FAF1: variants seen among roughly 807,000 people sequenced by gnomAD.
FAF1 encodes the protein FAS-associated factor 1.
Under a neutral mutation model 92.5 loss-of-function variants are expected in FAF1, and 25 were observed. That is an observed-to-expected ratio of 0.27 (90% CI 0.20 to 0.38). FAF1 has a LOEUF of 0.38. Among genes scored for constraint, FAF1 ranks in the 10% least tolerant of loss-of-function variants. The pLI, the probability that FAF1 is intolerant of heterozygous loss-of-function variation, is 1.00. For synonymous variants in FAF1, 234 were observed against 273.2 expected (o/e 0.86, Z 1.42); for missense variants, 636 against 793.3 (o/e 0.80, Z 2.38).
intron 1 of FAF1, among the ~76,000 whole-genome samples, chr1:50,904,362 G>C (rs1193881160): frequency 6.6e-6 from 1 of 152,152 alleles, no homozygotes. Context: ...CTGGGGAATG[G>C]GGAAATGAGG....
chr1:50,683,879 C>T (rs558749256), intron 7 of FAF1, among the ~76,000 whole-genome samples: 59 of 151,642 alleles, frequency 3.9e-4, no homozygotes, highest in African/African-American at 1.4e-3. Context: ...TTGTGGTGAG[C>T]CAAGATCGCG....
chr1:50,746,950 C>T (rs573259300), intron 4 of FAF1, among the ~76,000 whole-genome samples: 3 of 152,232 alleles, frequency 2.0e-5, no homozygotes, highest in African/African-American at 7.2e-5. Context: ...CTGTTTGGGC[C>T]GCTGCTTCCA....
intron 13 of FAF1, among the ~76,000 whole-genome samples, chr1:50,552,782 T>C (rs763989334): frequency 2.6e-5 from 4 of 151,924 alleles, no homozygotes; most frequent in Admixed American, 6.6e-5. Flanking sequence ...GAGAGGGGAA[T>C]GATATATTTG....
At chr1:50,716,624 A>T (rs1658187043) in intron 6 of FAF1, among the ~76,000 whole-genome samples, 1 of 152,190 alleles carries the variant, frequency 6.6e-6, no homozygotes, top group South Asian at 2.1e-4. Context: ...AGGATTGTAA[A>T]TGCACCAATC....
chr1:50,903,710 C>T (rs1644813970), intron 1 of FAF1, among the ~76,000 whole-genome samples: 1 of 152,164 alleles, frequency 6.6e-6, no homozygotes, highest in South Asian at 2.1e-4. Context: ...TTGTAATATA[C>T]ATCTGGTGAC....
chr1:50,456,642 A>G (rs1170697881), intron 18 of FAF1, among the ~76,000 whole-genome samples: 1 of 152,226 alleles, frequency 6.6e-6, no homozygotes, highest in Non-Finnish European at 1.5e-5. Flanking sequence ...CTACACAAGT[A>G]TTTTCGGAGT....
chr1:50,629,139 A>G (rs1653639075), intron 8 of FAF1, among the ~76,000 whole-genome samples: 1 of 149,852 alleles, frequency 6.7e-6, no homozygotes, highest in South Asian at 2.1e-4. Flanking sequence ...AAAAAGATCA[A>G]TCTTATAGAT....
At chr1:50,609,248 T>C (rs1413276934) in intron 8 of FAF1, among the ~76,000 whole-genome samples, 1 of 152,246 alleles carries the variant, frequency 6.6e-6, no homozygotes, top group Non-Finnish European at 1.5e-5. Context: ...CTAATCCTTG[T>C]TATTCCCTCT....
At chr1:50,706,908 G>C (rs1657695532) in intron 6 of FAF1, among the ~76,000 whole-genome samples, 1 of 152,106 alleles carries the variant, frequency 6.6e-6, no homozygotes, top group South Asian at 2.1e-4. Flanking sequence ...ATAAAGATCA[G>C]AATTAGACAG....
intron 1 of FAF1, among the ~76,000 whole-genome samples, chr1:50,895,940 T>C (rs1644754521): frequency 6.6e-6 from 1 of 152,142 alleles, no homozygotes. Context: ...ACAGCTAGCA[T>C]CATACTGAAT....
intron 8 of FAF1, among the ~76,000 whole-genome samples, chr1:50,623,798 G>A: frequency 6.6e-6 from 1 of 151,616 alleles, no homozygotes; most frequent in Admixed American, 6.6e-5. Flanking sequence ...AAAAAATTAG[G>A]CAGGCATGGT....
chr1:50,892,279 G>A (rs1047891343), intron 1 of FAF1, among the ~76,000 whole-genome samples: 1 of 152,246 alleles, frequency 6.6e-6, no homozygotes, highest in Admixed American at 6.5e-5. Flanking sequence ...GGCTAGGAAA[G>A]GGAATTCCCT....
intron 2 of FAF1, among the ~76,000 whole-genome samples, chr1:50,841,444 C>T (rs1380433866): frequency 6.6e-6 from 1 of 151,966 alleles, no homozygotes; most frequent in Non-Finnish European, 1.5e-5. Flanking sequence ...GTGACTTTCT[C>T]CTTTGTGTTT....
intron 8 of FAF1, among the ~76,000 whole-genome samples, chr1:50,623,704 G>C (rs1406111378): frequency 6.6e-6 from 1 of 152,076 alleles, no homozygotes; most frequent in African/African-American, 2.4e-5. Context: ...CACTTTGAGA[G>C]GCCAAGGTGG....
chr1:50,771,141 CA>C (rs1240538803), intron 4 of FAF1, among the ~76,000 whole-genome samples: 1 of 152,046 alleles, frequency 6.6e-6, no homozygotes, highest in African/African-American at 2.4e-5. Flanking sequence ...CCTAAAACTA[CA>C]AAAACCCTAG....
At chr1:50,874,772 TTTTTTTTTTTTTTTG>T in intron 1 of FAF1, among the ~76,000 whole-genome samples, 1 of 128,106 alleles carries the variant, frequency 7.8e-6, no homozygotes, top group Non-Finnish European at 1.7e-5. Flanking sequence ...TTTTTTTTTT[TTTTTTTTTTTTTTTG>T]GAGACAGGGT....
intron 7 of FAF1, among the ~76,000 whole-genome samples, chr1:50,676,173 G>A (rs1356676247): frequency 6.6e-6 from 1 of 152,074 alleles, no homozygotes. Flanking sequence ...TCGGGAGGCC[G>A]AGGCCAGCAG....
chr1:50,651,112 A>T (rs537063496), intron 8 of FAF1, among the ~76,000 whole-genome samples: 1 of 152,354 alleles, frequency 6.6e-6, no homozygotes, highest in South Asian at 2.1e-4. Context: ...GAGACTCAAG[A>T]TTATAAAAGA....
chr1:50,697,905 T>C (rs1182047209), intron 7 of FAF1, among the ~76,000 whole-genome samples: 3 of 152,102 alleles, frequency 2.0e-5, no homozygotes, highest in Non-Finnish European at 4.4e-5. Flanking sequence ...AAAAAGTATG[T>C]TTGAAAAAGA....
Sources: gnomAD v4.1 joint callset for allele counts (sites outside exome capture counted in the v4.1 genomes callset) on GRCh38, gnomAD v4.1.1 for gene constraint, MANE v1.5 for transcripts, NCBI Gene and HGNC (gene_info 2026-07-23, HGNC 2026-07-21) for gene names.